HDAC4: variants seen among roughly 807,000 people sequenced by gnomAD.
HDAC4 encodes histone deacetylase 4, also known as histone deacetylase A.
A neutral mutation model predicts 135.1 loss-of-function variants in HDAC4; 16 were observed. The ratio of observed to expected loss-of-function variants is 0.12; its 90% confidence interval spans 0.08 to 0.18. HDAC4 has a LOEUF of 0.18. Among genes scored for constraint, HDAC4 ranks in the 10% least tolerant of loss-of-function variants. The probability of loss-of-function intolerance (pLI) is 1.00; values close to 1 mark genes in which losing one functional copy is unlikely to be tolerated. For synonymous variants in HDAC4, 685 were observed against 653.4 expected (o/e 1.05, Z -0.74); for missense variants, 1,143 against 1,511.8 (o/e 0.76, Z 4.05).
intron 2 of HDAC4, among the ~76,000 whole-genome samples, chr2:239,249,029 A>C (rs1392851516): frequency 1.3e-5 from 2 of 152,256 alleles, no homozygotes; most frequent in African/African-American, 2.4e-5. Flanking sequence ...TGCTGGAATA[A>C]CAATCACGCA....
At position 239,073,525 on chromosome 2, in the gene HDAC4, C is replaced by T. The variant is rs1364582585; in HGVS notation, c.2751-4918G>A. On this transcript the variant is annotated intron_variant, in intron 22 of 26. Coordinates refer to ENST00000543185, the MANE Select transcript of HDAC4 (RefSeq NM_001378414.1). The stretch of plus-strand genomic sequence containing the variant: ...GTCCCTGTGCTCTGATAACACTGTG[C>T]CAAGAGCACAGGCGGCAGGACTTGG... Among the ~76,000 whole-genome samples, 5 of 152,258 alleles carry T rather than the reference C, an allele frequency of 3.3e-5. No homozygotes were observed. The South Asian group carries it at 6.2e-4, about 19-fold the overall frequency.
At chr2:239,116,195 T>C (rs1334656915) in intron 12 of HDAC4, among the ~76,000 whole-genome samples, 1 of 152,168 alleles carries the variant, frequency 6.6e-6, no homozygotes, top group African/African-American at 2.4e-5. Flanking sequence ...GGATTCCAAG[T>C]ATCAGCGACT....
chr2:239,286,953 G>A (rs1447062890), intron 2 of HDAC4, among the ~76,000 whole-genome samples: 2 of 152,138 alleles, frequency 1.3e-5, no homozygotes, highest in African/African-American at 4.8e-5. Flanking sequence ...ACTCCTAAGG[G>A]GTATGTGTTC....
intron 2 of HDAC4, among the ~76,000 whole-genome samples, chr2:239,340,392 C>A (rs894203204): frequency 2.6e-5 from 4 of 152,182 alleles, no homozygotes; most frequent in Admixed American, 6.5e-5. Context: ...TACAGAGGGG[C>A]CCCAGTGGGG....
chr2:239,145,644 G>A (rs1283200105), intron 7 of HDAC4, among the ~76,000 whole-genome samples: 1 of 152,240 alleles, frequency 6.6e-6, no homozygotes, highest in African/African-American at 2.4e-5. Flanking sequence ...AAGCCTTTGA[G>A]TTCTGAGGTT....
At position 239,054,681 on chromosome 2, in the gene HDAC4, G is replaced by C. The variant is rs1201206663; in HGVS notation, c.3088+68C>G. 6.8e-5 allele frequency: 66 copies of C among 975,646 alleles called. No individual in the cohort carries two copies. The Admixed American group carries it at 1.1e-3, about 16-fold the overall frequency. The allele number at this position is 975,646 out of a possible 1,614,324, so 60.4% of individuals were successfully genotyped here. On this transcript the variant is annotated intron_variant, in intron 25 of 26. Transcript: ENST00000543185. The stretch of plus-strand genomic sequence containing the variant: ...AAGAGCTGGGGGTATAGGGGGACAG[G>C]GATGGGGTGTGGTGCAGTCCCACCC...
rs149593864 is a variant in HDAC4 at position 239,051,826 on chromosome 2, C to A, written c.*1271G>T. 1 of 151,816 alleles carries A rather than the reference C, an allele frequency of 6.6e-6. No homozygotes were observed. The highest frequency in any genetic ancestry group is 1.5e-5 in the Non-Finnish European group (1 of 67,980). The allele number at this position is 151,816 out of a possible 1,614,324, so 9.4% of individuals were successfully genotyped here. On this transcript the variant is annotated 3_prime_UTR_variant, in exon 27 of 27. Coordinates refer to ENST00000543185, the MANE Select transcript of HDAC4 (RefSeq NM_001378414.1). ...TTCACAAGCCATCCATTTGCAGGGA[C>A]CTTCGCAATCTGCATTCATTTTATA...
chr2:239,307,267 G>A lies in HDAC4; in HGVS notation c.22+45411C>T, dbSNP rs2052647189. Among the ~76,000 whole-genome samples the A allele has an allele frequency of 6.6e-6, 1 of 152,176 alleles. No homozygotes were observed. The highest frequency in any genetic ancestry group is 2.1e-4 in the South Asian group (1 of 4,832). The stretch of plus-strand genomic sequence containing the variant: ...CTCAGATGAGTGGGGGCTGTGCTCA[G>A]GACCCTCAGGGGACCATGGGCTACT... On this transcript the variant is annotated intron_variant, in intron 2 of 26. Transcript: ENST00000543185. This position sits in a 1 kb window ranked among gnomAD's most constrained non-coding sequence, Gnocchi z 4.8.
rs547639588 is a variant in HDAC4, at chr2:239,309,916, T to C, written c.22+42762A>G. On this transcript the variant is annotated intron_variant, in intron 2 of 26. Coordinates refer to ENST00000543185, the MANE Select transcript of HDAC4 (RefSeq NM_001378414.1). The surrounding 1 kb of genome is among the most constrained non-coding windows in gnomAD (Gnocchi z 4.2). ...CCTCCCATGCTGCTGCCTGGTCCCA[T>C]GGGGCATGAAGGGAGGGTGGCCAGG... Among the ~76,000 whole-genome samples, 5 of 152,228 alleles carry C rather than the reference T, an allele frequency of 3.3e-5. No homozygotes were observed. Among genetic ancestry groups the C allele is most frequent in the African/African-American group, 2.4e-5 (1 of 41,554 alleles).
intron 2 of HDAC4, among the ~76,000 whole-genome samples, chr2:239,268,866 G>A (rs1169844355): frequency 6.6e-6 from 1 of 152,212 alleles, no homozygotes; most frequent in African/African-American, 2.4e-5. Context: ...GATGGTGCCA[G>A]GCTCCCTACC....
At position 239,144,622 on chromosome 2, in the gene HDAC4, C is replaced by T; in HGVS notation, c.826G>A (p.Val276Met). ...GGACGCTTTTTTAGAGCAGTGACCA[C>T]TGGCCCGTCTTTCCTGCGTAACAGG... ...SPLLRRKDGPVVTALKKRPLD... is the reference protein window; with the variant it reads ...SPLLRRKDGPMVTALKKRPLD... The change falls in exon 8 of 27, where the codon GTG (valine) becomes ATG (methionine). Residue 276 changes from valine to methionine, a missense_variant. Transcript: ENST00000543185. The T allele has an allele frequency of 1.2e-6, 2 of 1,614,216 alleles. No individual in the cohort carries two copies. Among genetic ancestry groups the T allele is most frequent in the South Asian group, 1.1e-5 (1 of 91,080 alleles).
Position 239,219,404 on chromosome 2 carries a change from G to A in HDAC4, c.94+17189C>T, listed in dbSNP as rs139317357. ...AAACACAGCATGTTCTCACTCATAGGTAGGAATTGAACATTGAGAACACGT... is the reference window on the plus strand; with the variant it reads ...AAACACAGCATGTTCTCACTCATAGATAGGAATTGAACATTGAGAACACGT... On this transcript the variant is annotated intron_variant, in intron 3 of 26. Coordinates refer to ENST00000543185, the MANE Select transcript of HDAC4 (RefSeq NM_001378414.1). Among the ~76,000 whole-genome samples the A allele has an allele frequency of 9.7e-3, 1,441 of 148,514 alleles. 23 individuals carry two copies. The highest frequency in any genetic ancestry group is 0.034 in the African/African-American group (1,381 of 40,554).
At chr2:239,370,003 C>T (rs140793905) in intron 1 of HDAC4, among the ~76,000 whole-genome samples, 1 of 152,352 alleles carries the variant, frequency 6.6e-6, no homozygotes, top group Admixed American at 6.5e-5. Flanking sequence ...TCTTAAAGAA[C>T]AGATGATTGC....
At chr2:239,194,908 G>C (rs1387684496) in intron 3 of HDAC4, among the ~76,000 whole-genome samples, 1 of 152,208 alleles carries the variant, frequency 6.6e-6, no homozygotes, top group Non-Finnish European at 1.5e-5. Flanking sequence ...CAGTGCTGGT[G>C]AGAGAGGCAA....
At chr2:239,215,615 G>A (rs574644271) in intron 3 of HDAC4, among the ~76,000 whole-genome samples, 2 of 152,194 alleles carry the variant, frequency 1.3e-5, no homozygotes, top group South Asian at 4.2e-4. Flanking sequence ...CATGAATGGC[G>A]GCAACACTAG....
chr2:239,351,070 C>G (rs922977939), intron 2 of HDAC4, among the ~76,000 whole-genome samples: 8 of 152,192 alleles, frequency 5.3e-5, no homozygotes, highest in African/African-American at 1.9e-4. Flanking sequence ...TCCTCTTACA[C>G]TGGAATTAGG....
At chr2:239,300,686 A>C (rs1232793032) in intron 2 of HDAC4, among the ~76,000 whole-genome samples, 1 of 152,230 alleles carries the variant, frequency 6.6e-6, no homozygotes, top group Non-Finnish European at 1.5e-5. Context: ...AGAAGTGGAA[A>C]TAGCACACCT....
intron 3 of HDAC4, chr2:239,190,965 G>A (rs1299132968): frequency 8.6e-6 from 4 of 465,888 alleles, no homozygotes; most frequent in African/African-American, 2.0e-5. Flanking sequence ...CATGCAGTGT[G>A]TGCAGGCACT....
At chr2:239,320,412 T>TCAAA (rs76207290) in intron 2 of HDAC4, among the ~76,000 whole-genome samples, 116,404 of 139,834 alleles carry the variant, frequency 0.83, 48,449 homozygotes, top group East Asian at 0.92. Context: ...AAGTGATAAA[T>TCAAA]CAAACAAACA....
Sources: gnomAD v4.1 joint callset for allele counts (sites outside exome capture counted in the v4.1 genomes callset) on GRCh38, gnomAD v4.1.1 for gene constraint, Gnocchi (gnomAD v3.1) non-coding constraint, MANE v1.5 for transcripts, NCBI Gene and HGNC (gene_info 2026-07-23, HGNC 2026-07-21) for gene names.